The following THADA variants were observed in gnomAD, a reference collection of about 807,000 sequenced individuals.
THADA encodes the protein THADA armadillo repeat containing, also known as tRNA (32-2'-O)-methyltransferase regulator THADA.
In THADA, 213 loss-of-function variants were observed where a neutral mutation model predicts 219.8. The ratio of observed to expected loss-of-function variants is 0.97; its 90% CI spans 0.87 to 1.09. The LOEUF (loss-of-function observed/expected upper bound fraction) is 1.09. Ranked by LOEUF, THADA falls within the 50% of genes least tolerant of loss-of-function variation. THADA has a pLI of 0.00. For synonymous variants in THADA, 1,018 were observed against 828.9 expected (o/e 1.23, Z -3.92); for missense variants, 2,956 against 2,311.3 (o/e 1.28, Z -5.72).
At chr2:43,379,919 A>G (rs1671800291) in intron 29 of THADA, among the ~76,000 whole-genome samples, 1 of 152,222 alleles carries the variant, frequency 6.6e-6, no homozygotes, top group South Asian at 2.1e-4. Context: ...TAACTGAAAG[A>G]AGCCAGAATG....
Position 43,560,286 on chromosome 2 carries a change from AT to A in THADA, c.2410del (p.Ile804PhefsTer2), listed in dbSNP as rs1469399059. The A allele has an allele frequency of 6.2e-7, 1 of 1,612,584 alleles. No homozygotes were observed. The highest frequency in any genetic ancestry group is 1.7e-5 in the Admixed American group (1 of 59,850). On this transcript the variant is annotated frameshift_variant, in exon 16 of 38. Transcript: ENST00000405975. LOFTEE classifies it high-confidence loss of function. ...CFTSTFEDVK[I>X]LAFDLLMKLS... is the part of the protein sequence containing the mutation. The stretch of plus-strand genomic sequence containing the variant: ...CTTCATCAGAAGATCAAATGCTAAA[AT>A]TTTCACGTCTTCAAAAGTGCTGGTA...
intron 20 of THADA, among the ~76,000 whole-genome samples, chr2:43,547,548 G>C (rs1305054199): frequency 6.6e-6 from 1 of 152,132 alleles, no homozygotes; most frequent in Non-Finnish European, 1.5e-5. Context: ...CATATTTCTT[G>C]GAGGCTTTGT....
chr2:43,578,609 T>C lies in THADA; in HGVS notation c.722-2A>G, dbSNP rs753717366. The C allele has an allele frequency of 4.4e-6, 7 of 1,583,502 alleles. No individual in the cohort carries two copies. In the South Asian group the frequency reaches 6.9e-5, roughly 16 times the overall value. On this transcript the variant is annotated splice_acceptor_variant, in intron 8 of 37. Transcript: ENST00000405975. LOFTEE classifies it high-confidence loss of function. ...TCTGTACAGTCTGTAACAGATCATC[T>C]ATTTGGCAAAAAAGGAGAGAAGCTT...
chr2:43,464,813 G>A (rs139064829), intron 26 of THADA, among the ~76,000 whole-genome samples: 183 of 152,062 alleles, frequency 1.2e-3, no homozygotes, highest in African/African-American at 4.1e-3. Flanking sequence ...TGCTTCCCCC[G>A]CAGGACTGTA....
At chr2:43,280,753 C>T (rs1451719656) in intron 35 of THADA, among the ~76,000 whole-genome samples, 1 of 152,204 alleles carries the variant, frequency 6.6e-6, no homozygotes, top group African/African-American at 2.4e-5. Flanking sequence ...GCCATTACTC[C>T]TGGACACTGA....
At chr2:43,237,072 A>G (rs1225265625) in intron 36 of THADA, among the ~76,000 whole-genome samples, 12 of 72,072 alleles carry the variant, frequency 1.7e-4, no homozygotes, top group African/African-American at 1.4e-3. Context: ...ACTCTGTCTC[A>G]AAAAAAAAAA....
chr2:43,505,878 G>T, intron 23 of THADA, 143 bp from the exon 24 acceptor site: 1 of 629,314 alleles, frequency 1.6e-6, no homozygotes, highest in South Asian at 2.0e-5. Context: ...CCATGTGGCC[G>T]TGGGCAAGTG....
intron 31 of THADA, among the ~76,000 whole-genome samples, chr2:43,309,708 G>C (rs1677268782): frequency 6.6e-6 from 1 of 152,168 alleles, no homozygotes; most frequent in African/African-American, 2.4e-5. Flanking sequence ...TGGTAAAAGA[G>C]TGAATGCTTT....
Position 43,293,157 on chromosome 2 carries a change from G to A in THADA, c.4495C>T (p.Leu1499=). The A allele has an allele frequency of 4.3e-6, 7 of 1,613,966 alleles. No individual in the cohort carries two copies. Among genetic ancestry groups the A allele is most frequent in the Non-Finnish European group, 5.9e-6 (7 of 1,179,898 alleles). Residue 1499 remains leucine (L), a synonymous_variant, in exon 32 of 38, where the codon CTG becomes TTG. Coordinates refer to ENST00000405975, the MANE Select transcript of THADA (RefSeq NM_022065.5). ...AAGGCCCAAGGGAATCCCGTTATCA[G>A]CTCTGATCCTGAGATAATCCCTCTG... ...EVRGIISGSE[L]ITGFPWAFKV... is the part of the protein sequence containing the mutation.
chr2:43,427,503 T>TTGTGTGTGTGTGTGTGTGTGTGTG (rs70963397), intron 28 of THADA, among the ~76,000 whole-genome samples: 12 of 140,600 alleles, frequency 8.5e-5, no homozygotes, highest in Admixed American at 2.2e-4. Flanking sequence ...CTCCCAAAGT[T>TTGTGTGTGTGTGTGTGTGTGTGTG]TGTGTGTGTG....
intron 36 of THADA, among the ~76,000 whole-genome samples, chr2:43,260,204 G>C (rs1295786415): frequency 2.0e-5 from 3 of 152,184 alleles, no homozygotes; most frequent in Non-Finnish European, 4.4e-5. Context: ...CAAAGTGTGG[G>C]ATCACAAGTG....
At chr2:43,356,935 T>C (rs997479041) in intron 29 of THADA, among the ~76,000 whole-genome samples, 2 of 152,232 alleles carry the variant, frequency 1.3e-5, no homozygotes, top group African/African-American at 2.4e-5. Context: ...TCACAGCAAC[T>C]ACCAAATGCT....
rs202244428 is a variant in THADA at position 43,232,705 on chromosome 2, G to A, written c.5466+8C>T. 5.6e-6 allele frequency: 9 copies of A among 1,613,188 alleles called. No homozygotes were observed. Among genetic ancestry groups the A allele is most frequent in the African/African-American group, 5.3e-5 (4 of 75,004 alleles). ...CTGCCTCCTACTCCCCTGACACCCCGGGATCACCTGATGCATGCTCTCCAC... is the reference window on the plus strand; with the variant it reads ...CTGCCTCCTACTCCCCTGACACCCCAGGATCACCTGATGCATGCTCTCCAC... On this transcript the variant is annotated splice_region_variant and intron_variant, in intron 37 of 37. Coordinates refer to ENST00000405975, the MANE Select transcript of THADA (RefSeq NM_022065.5).
intron 15 of THADA, chr2:43,563,261 T>C (rs1415203949): frequency 6.6e-6 from 1 of 152,232 alleles, no homozygotes; most frequent in Non-Finnish European, 1.5e-5. Context: ...CTTTCATTCA[T>C]CTCAAAATAT....
chr2:43,328,582 G>A (rs910123281), intron 30 of THADA, among the ~76,000 whole-genome samples: 1 of 152,212 alleles, frequency 6.6e-6, no homozygotes, highest in Non-Finnish European at 1.5e-5. Context: ...GAGAGACCGT[G>A]AGCTGTTAGT....
intron 31 of THADA, among the ~76,000 whole-genome samples, chr2:43,304,537 G>A (rs1386549911): frequency 1.3e-5 from 2 of 152,132 alleles, no homozygotes; most frequent in Non-Finnish European, 2.9e-5. Context: ...TGCCTCAAAG[G>A]AATGAATGAA....
rs1477786284 is a variant in THADA, at chr2:43,432,047, G to A, written c.3837-1745C>T. On this transcript the variant is annotated intron_variant, in intron 26 of 37. Transcript: ENST00000405975. ...AATTTTTTGTATTTTTAGTAGAGACGGGGTTTCACCGTTTTAGCCGGGATG... is the reference window on the plus strand; with the variant it reads ...AATTTTTTGTATTTTTAGTAGAGACAGGGTTTCACCGTTTTAGCCGGGATG... 1.9e-4 allele frequency among the ~76,000 whole-genome samples: 25 copies of A among 130,506 alleles called. 2 individuals carry two copies. The highest frequency in any genetic ancestry group is 8.0e-4 in the African/African-American group (23 of 28,708). 85.6% of individuals were successfully genotyped at this position (130,506 alleles called of 152,430 possible).
chr2:43,535,993 G>A (rs183018528), intron 21 of THADA, among the ~76,000 whole-genome samples: 48 of 152,016 alleles, frequency 3.2e-4, no homozygotes, highest in Middle Eastern at 6.8e-3. Flanking sequence ...TAATAGAGAC[G>A]GGGTTTTACC....
intron 7 of THADA, 64 bp downstream of exon 7, chr2:43,586,337 C>T: frequency 7.6e-7 from 1 of 1,316,544 alleles, no homozygotes; most frequent in Non-Finnish European, 1.0e-6. Context: ...TTAAATTTTT[C>T]TTTGTACAAA....
Sources: gnomAD v4.1 joint callset for allele counts (sites outside exome capture counted in the v4.1 genomes callset) on GRCh38, gnomAD v4.1.1 for gene constraint, MANE v1.5 for transcripts, NCBI Gene and HGNC (gene_info 2026-07-23, HGNC 2026-07-21) for gene names.